Variants in RGPD2 observed in about 807,000 individuals in gnomAD.
The protein encoded by RGPD2 is RANBP2 like and GRIP domain containing 2, also known as RANBP2-like and GRIP domain-containing protein 2.
RGPD2 carries 2 observed loss-of-function variants against 36.0 expected under a neutral mutation model. That is an observed-to-expected ratio of 0.06 (90% CI 0.02 to 0.17). The LOEUF is 0.17. Among genes scored for constraint, RGPD2 ranks in the 10% least tolerant of loss-of-function variants. The pLI is 1.00. For missense variants in RGPD2, 40 were observed against 464.3 expected (o/e 0.09, Z 8.40); for synonymous variants, 19 against 163.8 (o/e 0.12, Z 6.75).
chr2:87,861,259 C>G, the RGPD2 span, among the ~76,000 whole-genome samples: 4 of 150,718 alleles, frequency 2.7e-5, no homozygotes, highest in African/African-American at 9.7e-5. Flanking sequence ...TTATAAAAAG[C>G]AAATTGAAGT....
At chr2:87,761,008 T>C (rs1314140042) in intron 22 of RGPD2, among the ~76,000 whole-genome samples, 1 of 132,638 alleles carries the variant, frequency 7.5e-6, no homozygotes, top group Admixed American at 7.7e-5. Flanking sequence ...TGTTCTGTTT[T>C]TTCTTTTTCA....
intron 6 of RGPD2, among the ~76,000 whole-genome samples, chr2:87,809,803 T>C (rs1412368643): frequency 6.7e-6 from 1 of 149,818 alleles, no homozygotes. Context: ...CCCATGGTCA[T>C]CTCCCCTCCT....
the RGPD2 span, among the ~76,000 whole-genome samples, chr2:87,971,506 T>A: frequency 8.0e-6 from 1 of 124,506 alleles, no homozygotes; most frequent in Non-Finnish European, 1.7e-5. Context: ...TGTCTATATG[T>A]CTAACTACCA....
the RGPD2 span, among the ~76,000 whole-genome samples, chr2:87,911,154 C>T: frequency 2.4e-5 from 3 of 124,362 alleles, no homozygotes; most frequent in African/African-American, 8.9e-5. Flanking sequence ...AGAGCCCCTA[C>T]TCTCAAACAT....
At chr2:87,988,089 A>G in the RGPD2 span, among the ~76,000 whole-genome samples, 3 of 152,098 alleles carry the variant, frequency 2.0e-5, no homozygotes, top group Non-Finnish European at 4.4e-5. Flanking sequence ...ACAATCTGCC[A>G]ATGTCCTGCT....
the RGPD2 span, among the ~76,000 whole-genome samples, chr2:87,988,769 G>A: frequency 6.6e-5 from 10 of 151,748 alleles, no homozygotes; most frequent in East Asian, 2.0e-4. Context: ...TCGAACTACC[G>A]ACCTCAAGCG....
At chr2:87,853,838 G>A in the RGPD2 span, among the ~76,000 whole-genome samples, 1 of 151,812 alleles carries the variant, frequency 6.6e-6, no homozygotes, top group Non-Finnish European at 1.5e-5. Context: ...ATCTTTGATG[G>A]TTAGTCATTT....
the RGPD2 span, among the ~76,000 whole-genome samples, chr2:87,856,904 A>G: frequency 6.6e-6 from 1 of 151,778 alleles, no homozygotes; most frequent in African/African-American, 2.4e-5. Context: ...TTCCACATCA[A>G]ACAATAGGGC....
At chr2:87,943,528 T>G in the RGPD2 span, among the ~76,000 whole-genome samples, 5 of 151,768 alleles carry the variant, frequency 3.3e-5, no homozygotes, top group Admixed American at 6.6e-5. Flanking sequence ...CCTTGTATAC[T>G]CTGGATATCA....
At chr2:87,914,074 T>C in the RGPD2 span, among the ~76,000 whole-genome samples, 4 of 151,798 alleles carry the variant, frequency 2.6e-5, no homozygotes, top group East Asian at 7.7e-4. Context: ...ATTTCTAAAT[T>C]GGAAGTAAGT....
the RGPD2 span, among the ~76,000 whole-genome samples, chr2:87,892,465 AGT>A: frequency 6.6e-6 from 1 of 150,838 alleles, no homozygotes; most frequent in African/African-American, 2.4e-5. Flanking sequence ...TTAGCAAAAT[AGT>A]GTTTTTGATA....
the RGPD2 span, among the ~76,000 whole-genome samples, chr2:87,895,100 T>C: frequency 2.0e-5 from 3 of 147,726 alleles, no homozygotes; most frequent in African/African-American, 7.4e-5. Flanking sequence ...GTAATGCATG[T>C]TTTAAGGTAT....
At chr2:87,806,201 GT>G (rs1212666567) in intron 7 of RGPD2, among the ~76,000 whole-genome samples, 1 of 98,722 alleles carries the variant, frequency 1.0e-5, no homozygotes, top group African/African-American at 3.4e-5. Context: ...AAGGTTTTAT[GT>G]TTTCAAAGAT....
chr2:87,915,627 T>A, the RGPD2 span, among the ~76,000 whole-genome samples: 80 of 147,216 alleles, frequency 5.4e-4, no homozygotes, highest in African/African-American at 1.9e-3. Context: ...CACATATATA[T>A]GTGCGTGTAT....
chr2:87,947,602 TC>T, the RGPD2 span, among the ~76,000 whole-genome samples: 2 of 151,780 alleles, frequency 1.3e-5, no homozygotes, highest in African/African-American at 2.4e-5. Context: ...CTCTCTCCCT[TC>T]CCCCTCCTCC....
the RGPD2 span, among the ~76,000 whole-genome samples, chr2:87,960,855 T>C: frequency 4.4e-4 from 23 of 52,538 alleles, 1 homozygote; most frequent in East Asian, 7.3e-3. Flanking sequence ...ATGCCAGTAA[T>C]TGAATGTAAC....
chr2:87,855,143 T>C, the RGPD2 span, among the ~76,000 whole-genome samples: 1 of 151,820 alleles, frequency 6.6e-6, no homozygotes, highest in Non-Finnish European at 1.5e-5. Flanking sequence ...TTCTTCATCT[T>C]ATACCTGAAA....
At chr2:87,911,252 T>A in the RGPD2 span, among the ~76,000 whole-genome samples, 924 of 132,012 alleles carry the variant, frequency 7.0e-3, no homozygotes, top group African/African-American at 0.026. Context: ...TGAATGTGTC[T>A]TTTTTTTTCA....
At chr2:87,839,853 A>G in the RGPD2 span, among the ~76,000 whole-genome samples, 1 of 152,026 alleles carries the variant, frequency 6.6e-6, no homozygotes, top group Non-Finnish European at 1.5e-5. Context: ...AAAATGATCT[A>G]TACACCAAAC....
Sources: allele counts gnomAD v4.1 joint callset (sites outside exome capture counted in the v4.1 genomes callset), GRCh38; gene constraint gnomAD v4.1.1; transcripts MANE v1.5; gene names NCBI Gene and HGNC (gene_info 2026-07-23, HGNC 2026-07-21).